Variants in SAMD5 observed in about 807,000 individuals in gnomAD.
SAMD5 encodes the protein sterile alpha motif domain-containing protein 5.
SAMD5 carries 13 observed loss-of-function variants against 11.3 expected under a neutral mutation model. The ratio of observed to expected loss-of-function variants is 1.15; its 90% CI spans 0.75 to 1.83. SAMD5 has a LOEUF of 1.83. SAMD5 is among the 40% of genes most tolerant of loss of function. SAMD5 has a pLI of 0.00. For synonymous variants in SAMD5, 129 were observed against 111.3 expected, an observed-to-expected ratio of 1.16 and a Z score of -1.00; for missense variants, 255 against 239.1, an observed-to-expected ratio of 1.07 and a Z score of -0.44.
chr6:147,640,282 C>G (rs1790290146), intron 1 of SAMD5, among the ~76,000 whole-genome samples: 1 of 150,230 alleles, frequency 6.7e-6, no homozygotes, highest in African/African-American at 2.5e-5. Context: ...GCTGAGAATC[C>G]ATACCACTGC....
rs1789080153 is a variant in SAMD5 at position 147,568,501 on chromosome 6, T to C, written c.*4045T>C. On this transcript the variant is annotated 3_prime_UTR_variant, in exon 2 of 2. Transcript: ENST00000367474. Reference sequence around the variant, plus strand: ...CAAATAAGGCATGAAGGGTGGAACATTGCATCTAGGGAAAATAAGAGAAAT... The same window carrying C: ...CAAATAAGGCATGAAGGGTGGAACACTGCATCTAGGGAAAATAAGAGAAAT... 1.0e-6 allele frequency: 1 copy of C among 985,404 alleles called. No homozygotes were observed. The highest frequency in any genetic ancestry group is 1.2e-6 in the Non-Finnish European group (1 of 829,884). The allele number at this position is 985,404 out of a possible 1,614,324, so 61.0% of individuals were successfully genotyped here. A position where few individuals can be genotyped will look rare whatever the true frequency, so the allele number is the denominator to read the frequency against.
intron 1 of SAMD5, 82 bp downstream of exon 1, chr6:147,509,469 C>T (rs2128438660): frequency 7.7e-7 from 1 of 1,296,696 alleles, no homozygotes; most frequent in Admixed American, 3.2e-5. Context: ...GCTTTGCAAC[C>T]CATTCCAGGT....
intron 1 of SAMD5, among the ~76,000 whole-genome samples, chr6:147,531,303 T>G (rs914354642): frequency 6.6e-5 from 10 of 152,258 alleles, no homozygotes; most frequent in African/African-American, 2.2e-4. Flanking sequence ...GAAATTACAC[T>G]GAAGCCATAA....
chr6:147,667,475 T>C (rs933384135), intron 1 of SAMD5, among the ~76,000 whole-genome samples: 6 of 152,182 alleles, frequency 3.9e-5, no homozygotes, highest in African/African-American at 1.4e-4. Flanking sequence ...TGCAACAGAA[T>C]CTAAAAGGGG....
At chr6:147,744,920 A>AATAAATAAATAAATAG in the SAMD5 span, among the ~76,000 whole-genome samples, 26 of 151,054 alleles carry the variant, frequency 1.7e-4, no homozygotes, top group African/African-American at 5.6e-4. Context: ...TAAATAAATA[A>AATAAATAAATAAATAG]ATAAGTAAGT....
At chr6:147,855,901 T>G in the SAMD5 span, among the ~76,000 whole-genome samples, 1 of 152,218 alleles carries the variant, frequency 6.6e-6, no homozygotes, top group Non-Finnish European at 1.5e-5. Context: ...ACCTACCATA[T>G]GATCCAGTCA....
At chr6:147,583,815 T>C (rs889638784) in intron 1 of SAMD5, among the ~76,000 whole-genome samples, 2 of 78,918 alleles carry the variant, frequency 2.5e-5, no homozygotes, top group Non-Finnish European at 5.6e-5. Flanking sequence ...AGTGGAATTT[T>C]CAAACACACA....
At chr6:147,616,904 C>G (rs1362704643) in intron 1 of SAMD5, among the ~76,000 whole-genome samples, 3 of 152,210 alleles carry the variant, frequency 2.0e-5, no homozygotes, top group Non-Finnish European at 4.4e-5. Flanking sequence ...TTTAATCACT[C>G]CATCTCTTGA....
the SAMD5 span, among the ~76,000 whole-genome samples, chr6:147,897,115 C>A: frequency 6.6e-6 from 1 of 152,156 alleles, no homozygotes; most frequent in South Asian, 2.1e-4. Flanking sequence ...TCTAAATATA[C>A]TAAAAATGAC....
chr6:147,906,779 C>T, the SAMD5 span, among the ~76,000 whole-genome samples: 9 of 152,266 alleles, frequency 5.9e-5, no homozygotes, highest in East Asian at 1.3e-3. Context: ...AGGCAGGTAG[C>T]GTTTTAAGTT....
the SAMD5 span, among the ~76,000 whole-genome samples, chr6:147,792,926 A>T: frequency 6.6e-6 from 1 of 152,222 alleles, no homozygotes; most frequent in African/African-American, 2.4e-5. Context: ...GACATAAATA[A>T]ATGATTAAAT....
At chr6:147,690,968 T>G (rs34332087) in intron 1 of SAMD5, among the ~76,000 whole-genome samples, 12 of 95,514 alleles carry the variant, frequency 1.3e-4, no homozygotes, top group South Asian at 6.6e-4. Flanking sequence ...AGCTCTCGGG[T>G]TTTTTTTTTT....
At chr6:147,879,851 G>A in the SAMD5 span, among the ~76,000 whole-genome samples, 1 of 152,146 alleles carries the variant, frequency 6.6e-6, no homozygotes, top group African/African-American at 2.4e-5. Flanking sequence ...GTTCTAACCC[G>A]TGGCATTGGA....
At chr6:147,824,950 A>T in the SAMD5 span, among the ~76,000 whole-genome samples, 2 of 152,210 alleles carry the variant, frequency 1.3e-5, no homozygotes, top group Admixed American at 1.3e-4. Flanking sequence ...TTGAACTTTT[A>T]TGGGACTAGT....
the SAMD5 span, among the ~76,000 whole-genome samples, chr6:147,816,301 A>AAAAAAAAAAAAAAAATATATAT: frequency 1.1e-4 from 7 of 66,354 alleles, no homozygotes; most frequent in African/African-American, 5.1e-4. Flanking sequence ...AAAAAAAAAA[A>AAAAAAAAAAAAAAAATATATAT]ATATATATAT....
At chr6:147,877,944 T>TTTTTTTTTTTCTTTTTG in the SAMD5 span, among the ~76,000 whole-genome samples, 11 of 97,586 alleles carry the variant, frequency 1.1e-4, no homozygotes, top group African/African-American at 3.7e-4. Context: ...GATAGATAGA[T>TTTTTTTTTTTCTTTTTG]AGACTCTGTC....
chr6:147,873,937 A>G, the SAMD5 span, among the ~76,000 whole-genome samples: 9 of 152,214 alleles, frequency 5.9e-5, no homozygotes, highest in Non-Finnish European at 8.8e-5. Context: ...CAGCAAACTT[A>G]TACATAGGAA....
intron 1 of SAMD5, among the ~76,000 whole-genome samples, chr6:147,603,650 T>C (rs1184498267): frequency 1.3e-5 from 2 of 152,172 alleles, no homozygotes; most frequent in African/African-American, 4.8e-5. Flanking sequence ...ACTGGTTATG[T>C]GTAAAGCCAA....
the SAMD5 span, among the ~76,000 whole-genome samples, chr6:147,803,557 A>T: frequency 1.2e-3 from 179 of 152,262 alleles, no homozygotes; most frequent in Non-Finnish European, 2.3e-3. Context: ...ATATAATTAC[A>T]CTTAAAATGA....
Sources: gnomAD v4.1 joint callset for allele counts (sites outside exome capture counted in the v4.1 genomes callset) on GRCh38, gnomAD v4.1.1 for gene constraint, MANE v1.5 for transcripts, NCBI Gene and HGNC (gene_info 2026-07-23, HGNC 2026-07-21) for gene names.